The following SPEG variants were observed in gnomAD, a reference collection of about 807,000 sequenced individuals.
The protein encoded by SPEG is striated muscle enriched protein kinase.
SPEG carries 114 observed loss-of-function variants against 300.4 expected under a neutral mutation model. That is an observed-to-expected ratio of 0.38 (90% CI 0.33 to 0.44). The LOEUF (loss-of-function observed/expected upper bound fraction) is 0.44, where lower values mean the gene tolerates loss of function less well. SPEG is among the 20% of genes least tolerant of loss of function. The pLI, the probability that SPEG is intolerant of heterozygous loss-of-function variation, is 1.00. For missense variants in SPEG, 4,201 were observed against 4,586.2 expected, an observed-to-expected ratio of 0.92 and a Z score of 2.43; for synonymous variants, 1,964 against 2,018.9, an observed-to-expected ratio of 0.97 and a Z score of 0.73.
chr2:219,446,208 C>G (rs1689278606), intron 3 of SPEG, among the ~76,000 whole-genome samples: 3 of 152,142 alleles, frequency 2.0e-5, no homozygotes, highest in Admixed American at 2.0e-4. Flanking sequence ...ATCTTCTTGG[C>G]CTTACCCGGT....
chr2:219,447,839 G>A (rs2125276824), intron 3 of SPEG, 135 bp from the exon 4 acceptor site: 1 of 775,694 alleles, frequency 1.3e-6, no homozygotes, highest in East Asian at 2.8e-5. Context: ...GGGTGGGGGT[G>A]GGGGGCAGGA....
intron 9 of SPEG, chr2:219,465,712 T>C (rs1218590496): frequency 4.9e-6 from 2 of 411,956 alleles, no homozygotes; most frequent in Non-Finnish European, 8.8e-6. Context: ...AGAGCTGTCC[T>C]TGGGGGAGCC....
At chr2:219,442,139 C>G (rs1046153041) in intron 1 of SPEG, 4 of 1,112,190 alleles carry the variant, frequency 3.6e-6, no homozygotes, top group Admixed American at 4.6e-5. Flanking sequence ...CTGGGCGCCC[C>G]GGAGGGAGGG....
At chr2:219,492,525 G>A (rs1479698153) in intron 40 of SPEG, 69 bp from the exon 41 acceptor site, 37 of 1,520,520 alleles carry the variant, frequency 2.4e-5, no homozygotes, top group East Asian at 4.5e-5. Flanking sequence ...ATGGGTCTGC[G>A]GGAGGACAGA....
rs79350492 is a variant in SPEG, at chr2:219,472,439, G to A, written c.3940+108G>A. 2.6e-4 allele frequency: 242 copies of A among 925,476 alleles called. No individual in the cohort carries two copies. The East Asian group carries it at 5.5e-3, about 21-fold the overall frequency. The allele number at this position is 925,476 out of a possible 1,614,324, so 57.3% of individuals were successfully genotyped here. On this transcript the variant is annotated intron_variant, in intron 15 of 40. Coordinates refer to ENST00000312358, the MANE Select transcript of SPEG (RefSeq NM_005876.5). ...CCCAGAAGCGGATGGGCAGGGGCAG[G>A]AGCTGATGGAATGCTGGTGGGACCA...
intron 13 of SPEG, among the ~76,000 whole-genome samples, chr2:219,470,513 G>A (rs1459352274): frequency 1.3e-5 from 2 of 152,208 alleles, no homozygotes; most frequent in Admixed American, 6.5e-5. Context: ...CTCCGCTTCT[G>A]CCTGTATCTG....
At position 219,447,201 on chromosome 2, in the gene SPEG, AG is replaced by A. The variant is rs374263375; in HGVS notation, c.816-772del. 4.8e-3 allele frequency among the ~76,000 whole-genome samples: 311 copies of A among 64,566 alleles called. 1 individual carries two copies. The highest frequency in any genetic ancestry group is 0.016 in the African/African-American group (299 of 18,282). The allele number at this position is 64,566 out of a possible 152,430, so 42.4% of individuals were successfully genotyped here. A position where few individuals can be genotyped will look rare whatever the true frequency, so the allele number is the denominator to read the frequency against. ...CTATTTCTGAGCTGAGTTATTTCAG[AG>A]CATATCCCTGTGGGGGGGGGCCTTC... On this transcript the variant is annotated intron_variant, in intron 3 of 40. Coordinates refer to ENST00000312358, the MANE Select transcript of SPEG (RefSeq NM_005876.5).
chr2:219,466,770 G>A (rs1163446790), intron 9 of SPEG: 3 of 1,009,122 alleles, frequency 3.0e-6, no homozygotes, highest in African/African-American at 3.4e-5. Context: ...ACCAAGTTTG[G>A]TGCAGGAGCA....
chr2:219,462,080 C>G (rs758881949), intron 7 of SPEG, 23 bp downstream of exon 7: 1 of 1,574,662 alleles, frequency 6.4e-7, no homozygotes, highest in Non-Finnish European at 8.6e-7. Flanking sequence ...AGGCTGGGGC[C>G]TAGCCTCCTG....
Position 219,476,859 on chromosome 2 carries a change from ATG to A in SPEG, c.4448-7_4448-6del. 1 of 1,607,802 alleles carries A rather than the reference ATG, an allele frequency of 6.2e-7. No individual in the cohort carries two copies. Among genetic ancestry groups the A allele is most frequent in the Non-Finnish European group, 8.5e-7 (1 of 1,174,756 alleles). ...CCCTTCTCTTCCCACCCCTATCCCCATGTGTTTCAGAGGCCCCTCGGTTTGAG... is the reference window on the plus strand; with the variant it reads ...CCCTTCTCTTCCCACCCCTATCCCCATGTTTCAGAGGCCCCTCGGTTTGAG... On this transcript the variant is annotated splice_polypyrimidine_tract_variant and intron_variant, in intron 18 of 40. Transcript: ENST00000312358.
intron 31 of SPEG, among the ~76,000 whole-genome samples, chr2:219,487,656 G>A (rs113209839): frequency 0.011 from 1,638 of 152,240 alleles, 15 homozygotes; most frequent in Non-Finnish European, 0.017. Context: ...CCAGGAAGCC[G>A]ACACGCTTCC....
chr2:219,479,350 G>A lies in SPEG; in HGVS notation c.5085+149G>A. 2 of 666,076 alleles carry A rather than the reference G, an allele frequency of 3.0e-6. No individual in the cohort carries two copies. The highest frequency in any genetic ancestry group is 5.5e-6 in the Non-Finnish European group (2 of 366,240). The allele number at this position is 666,076 out of a possible 1,614,324, so 41.3% of individuals were successfully genotyped here. On this transcript the variant is annotated intron_variant, in intron 23 of 40. Transcript: ENST00000312358. The surrounding 1 kb of genome is among the most constrained non-coding windows in gnomAD (Gnocchi z 5.5). Reference sequence around the variant, plus strand: ...AGAGCACTGTTAGGTAGGCAGCAGAGTCCCCACCCAATGATACCAGACCCC... The same window carrying A: ...AGAGCACTGTTAGGTAGGCAGCAGAATCCCCACCCAATGATACCAGACCCC...
In SPEG at chr2:219,473,417, A is replaced by C; in HGVS notation, c.4148-87A>C. 7.6e-7 allele frequency: 1 copy of C among 1,311,090 alleles called. No individual in the cohort carries two copies. Among genetic ancestry groups the C allele is most frequent in the Non-Finnish European group, 1.1e-6 (1 of 921,876 alleles). The allele number at this position is 1,311,090 out of a possible 1,614,324, so 81.2% of individuals were successfully genotyped here. Reference sequence around the variant, plus strand: ...TTCCCATCTGTAAAAACGGAACTCAAGTGTTGATGAGGGGTGTTAGAGGAG... The same window carrying C: ...TTCCCATCTGTAAAAACGGAACTCACGTGTTGATGAGGGGTGTTAGAGGAG... On this transcript the variant is annotated intron_variant, in intron 16 of 40. Coordinates refer to ENST00000312358, the MANE Select transcript of SPEG (RefSeq NM_005876.5). The surrounding 1 kb of genome is among the most constrained non-coding windows in gnomAD (Gnocchi z 4.6).
intron 6 of SPEG, among the ~76,000 whole-genome samples, chr2:219,454,042 C>A (rs1167466331): frequency 6.6e-6 from 1 of 152,138 alleles, no homozygotes; most frequent in Non-Finnish European, 1.5e-5. Flanking sequence ...GTGCAGCCAC[C>A]GCCCTCTCTT....
intron 29 of SPEG, 40 bp downstream of exon 29, chr2:219,482,892 C>T (rs1399523928): frequency 5.0e-6 from 8 of 1,595,890 alleles, no homozygotes; most frequent in South Asian, 1.1e-5. Flanking sequence ...TCCACCTTCT[C>T]CTTTTCTCTA....
Position 219,489,109 on chromosome 2 carries a change from G to GA in SPEG, c.8206dup (p.Thr2736AsnfsTer29). The GA allele has an allele frequency of 6.2e-7, 1 of 1,613,952 alleles. No homozygotes were observed. The highest frequency in any genetic ancestry group is 8.5e-7 in the Non-Finnish European group (1 of 1,179,966). On this transcript the variant is annotated frameshift_variant, in exon 35 of 41. Transcript: ENST00000312358. LOFTEE classifies it high-confidence loss of function. ...GCATCCCCGACTGTTACTACAACGTGACCCACCTGCCAGTTGGCGTGACTG... is the reference window on the plus strand; with the variant it reads ...GCATCCCCGACTGTTACTACAACGTGAACCCACCTGCCAGTTGGCGTGACTG...
chr2:219,485,295 G>A, intron 30 of SPEG, 51 bp from the exon 31 acceptor site: 2 of 1,568,856 alleles, frequency 1.3e-6, no homozygotes, highest in Non-Finnish European at 1.7e-6. Flanking sequence ...AGAGAGGTGG[G>A]AACTTGCTGG....
At chr2:219,461,286 G>A in intron 6 of SPEG, 1 of 986,970 alleles carries the variant, frequency 1.0e-6, no homozygotes. Flanking sequence ...CAAGCTGTAG[G>A]GCTGTGGCCA....
At chr2:219,469,540 C>T (rs1320925486) in intron 13 of SPEG, among the ~76,000 whole-genome samples, 161 bp downstream of exon 13, 2 of 152,158 alleles carry the variant, frequency 1.3e-5, no homozygotes, top group African/African-American at 2.4e-5. Flanking sequence ...GAGGTCATTG[C>T]CTCCCCTGCA....
Sources: allele counts gnomAD v4.1 joint callset (sites outside exome capture counted in the v4.1 genomes callset), GRCh38; gene constraint gnomAD v4.1.1; non-coding constraint Gnocchi (gnomAD v3.1); transcripts MANE v1.5; gene names NCBI Gene and HGNC (gene_info 2026-07-23, HGNC 2026-07-21).